ST7: variants seen among roughly 807,000 people sequenced by gnomAD.
The protein encoded by ST7 is suppressor of tumorigenicity 7 protein.
Under a neutral mutation model 78.7 loss-of-function variants are expected in ST7, and 28 were observed. The observed-to-expected ratio is 0.36, with a 90% confidence interval of 0.26 to 0.49. The LOEUF (loss-of-function observed/expected upper bound fraction) is 0.49. Among genes scored for constraint, ST7 ranks in the 20% least tolerant of loss-of-function variants. The pLI, the probability that ST7 is intolerant of heterozygous loss-of-function variation, is 0.99. For synonymous variants in ST7, 247 were observed against 249.6 expected, an observed-to-expected ratio of 0.99 and a Z score of 0.10; for missense variants, 418 against 696.0, an observed-to-expected ratio of 0.60 and a Z score of 4.49.
intron 1 of ST7, among the ~76,000 whole-genome samples, chr7:116,956,151 G>A (rs1167709801): frequency 6.6e-6 from 1 of 152,144 alleles, no homozygotes; most frequent in East Asian, 1.9e-4. Context: ...GACATTAGAG[G>A]CCTATTTTCT....
chr7:117,010,452 G>A (rs1236583672), intron 1 of ST7, among the ~76,000 whole-genome samples: 1 of 152,186 alleles, frequency 6.6e-6, no homozygotes, highest in African/African-American at 2.4e-5. Context: ...AGTAAGCAAA[G>A]CCAATGAGGA....
intron 10 of ST7, among the ~76,000 whole-genome samples, chr7:117,183,774 A>C (rs1485942724): frequency 7.9e-5 from 12 of 152,212 alleles, no homozygotes; most frequent in Admixed American, 7.9e-4. Context: ...TCCCTGAGAA[A>C]TGAGTTTTCT....
intron 13 of ST7, among the ~76,000 whole-genome samples, chr7:117,216,643 G>A (rs925635243): frequency 2.0e-5 from 3 of 152,142 alleles, no homozygotes; most frequent in Non-Finnish European, 4.4e-5. Context: ...GCCTCTACCG[G>A]CCTCTCTCTG....
chr7:117,067,547 A>C (rs1456898232), intron 1 of ST7, among the ~76,000 whole-genome samples: 2 of 152,070 alleles, frequency 1.3e-5, no homozygotes, highest in East Asian at 3.9e-4. Context: ...ATGACCTAAC[A>C]GGAGTCTGGC....
chr7:117,138,991 T>C (rs1805039951), intron 9 of ST7, among the ~76,000 whole-genome samples: 1 of 152,164 alleles, frequency 6.6e-6, no homozygotes, highest in Non-Finnish European at 1.5e-5. Flanking sequence ...ATTACTACTC[T>C]CAAATTTAAT....
chr7:117,024,964 A>G (rs1011596485), intron 1 of ST7, among the ~76,000 whole-genome samples: 5 of 152,342 alleles, frequency 3.3e-5, no homozygotes, highest in African/African-American at 1.2e-4. Flanking sequence ...ACAGCTTCTC[A>G]GTTTTAATAG....
intron 13 of ST7, among the ~76,000 whole-genome samples, chr7:117,215,100 G>A (rs1792591087): frequency 1.3e-5 from 2 of 152,092 alleles, no homozygotes; most frequent in Admixed American, 1.3e-4. Flanking sequence ...TGAGTCTGCT[G>A]TAAGACCCTA....
rs1468180393 is a variant in ST7 at position 117,219,007 on chromosome 7, T to C, written c.1406-77T>C. On this transcript the variant is annotated intron_variant, in intron 13 of 15. Coordinates refer to ENST00000323984, the MANE Select transcript of ST7 (RefSeq NM_001369598.1). The surrounding 1 kb of genome is among the most constrained non-coding windows in gnomAD (Gnocchi z 5.1). Reference sequence around the variant, plus strand: ...GAAGTGTTCCCTGTTATAAAAATGCTCAAACGCCCCTTTTTGCAGTTGGGA... The same window carrying C: ...GAAGTGTTCCCTGTTATAAAAATGCCCAAACGCCCCTTTTTGCAGTTGGGA... 2 of 1,195,876 alleles carry C rather than the reference T, an allele frequency of 1.7e-6. No homozygotes were observed. Among genetic ancestry groups the C allele is most frequent in the African/African-American group, 1.5e-5 (1 of 65,850 alleles). The allele number at this position is 1,195,876 out of a possible 1,614,324, so 74.1% of individuals were successfully genotyped here. A position where few individuals can be genotyped will look rare whatever the true frequency, so the allele number is the denominator to read the frequency against.
chr7:117,001,406 C>A lies in ST7; in HGVS notation c.151+47715C>A, dbSNP rs186906544. On this transcript the variant is annotated intron_variant, in intron 1 of 15. Coordinates refer to ENST00000323984, the MANE Select transcript of ST7 (RefSeq NM_001369598.1). Reference sequence around the variant, plus strand: ...TTTCCTGCTGTTTTCTATTATGGTCCCTGGAGCTCAGGTGTCCATTTTCAT... The same window carrying A: ...TTTCCTGCTGTTTTCTATTATGGTCACTGGAGCTCAGGTGTCCATTTTCAT... Among the ~76,000 whole-genome samples the A allele has an allele frequency of 6.6e-5, 10 of 152,152 alleles. No homozygotes were observed. In the East Asian group the frequency reaches 1.7e-3, roughly 26 times the overall value.
At chr7:117,066,700 G>T (rs939730754) in intron 1 of ST7, among the ~76,000 whole-genome samples, 1 of 148,080 alleles carries the variant, frequency 6.8e-6, no homozygotes, top group Non-Finnish European at 1.5e-5. Context: ...GGCAGAGATT[G>T]CAGTGAGCCG....
At chr7:117,004,958 G>T (rs1158769834) in intron 1 of ST7, among the ~76,000 whole-genome samples, 7 of 152,144 alleles carry the variant, frequency 4.6e-5, no homozygotes, top group Non-Finnish European at 1.0e-4. Flanking sequence ...TGGAAACTTA[G>T]CATGTTTTAT....
chr7:117,175,344 G>A (rs1272816170), intron 10 of ST7, among the ~76,000 whole-genome samples: 1 of 152,196 alleles, frequency 6.6e-6, no homozygotes, highest in Admixed American at 6.5e-5. Flanking sequence ...CCACCTACGT[G>A]AAAACTTAAG....
intron 1 of ST7, among the ~76,000 whole-genome samples, chr7:117,058,251 C>T (rs1798163592): frequency 6.6e-6 from 1 of 152,100 alleles, no homozygotes; most frequent in African/African-American, 2.4e-5. Flanking sequence ...GCTTTGTGCA[C>T]AAGAGCGGTT....
intron 1 of ST7, among the ~76,000 whole-genome samples, chr7:116,999,398 C>T (rs1794819869): frequency 6.6e-6 from 1 of 152,192 alleles, no homozygotes; most frequent in Non-Finnish European, 1.5e-5. Context: ...AGGGCCCCTT[C>T]TTGGGCACAA....
At chr7:117,217,985 T>C (rs1792819101) in intron 13 of ST7, among the ~76,000 whole-genome samples, 1 of 152,238 alleles carries the variant, frequency 6.6e-6, no homozygotes, top group Admixed American at 6.5e-5. Context: ...CAATGGAACC[T>C]TGTCATTTCT....
chr7:116,960,989 A>G (rs983809198), intron 1 of ST7, among the ~76,000 whole-genome samples: 7 of 152,300 alleles, frequency 4.6e-5, no homozygotes, highest in Admixed American at 2.0e-4. Flanking sequence ...TCAGTTGTAT[A>G]TGGTGTAAAG....
At chr7:116,968,916 G>T (rs1195761575) in intron 1 of ST7, among the ~76,000 whole-genome samples, 3 of 152,048 alleles carry the variant, frequency 2.0e-5, no homozygotes, top group African/African-American at 7.3e-5. Flanking sequence ...ATCTGTTGGG[G>T]TTAAATTGGA....
intron 1 of ST7, among the ~76,000 whole-genome samples, chr7:117,084,105 A>G (rs1362232470): frequency 6.6e-6 from 1 of 152,218 alleles, no homozygotes; most frequent in Non-Finnish European, 1.5e-5. Context: ...AGGCTAAGAA[A>G]CCAGCAGATT....
At chr7:117,066,817 C>T (rs1221601431) in intron 1 of ST7, among the ~76,000 whole-genome samples, 1 of 148,426 alleles carries the variant, frequency 6.7e-6, no homozygotes, top group Non-Finnish European at 1.5e-5. Context: ...AGTATGTTCA[C>T]AGAGTTGTGC....
Sources: gnomAD v4.1 joint callset for allele counts (sites outside exome capture counted in the v4.1 genomes callset) on GRCh38, gnomAD v4.1.1 for gene constraint, Gnocchi (gnomAD v3.1) non-coding constraint, MANE v1.5 for transcripts, NCBI Gene and HGNC (gene_info 2026-07-23, HGNC 2026-07-21) for gene names.